NFIB: variants seen among roughly 807,000 people sequenced by gnomAD.
NFIB encodes the protein nuclear factor 1 B-type.
In NFIB, 11 loss-of-function variants were observed where a neutral mutation model predicts 61.5. The ratio of observed to expected loss-of-function variants is 0.18; its 90% confidence interval spans 0.11 to 0.30. NFIB has a LOEUF of 0.30. NFIB is among the 10% of genes least tolerant of loss of function. The pLI is 1.00. For missense variants in NFIB, 471 were observed against 608.9 expected (o/e 0.77, Z 2.38); for synonymous variants, 260 against 216.5 (o/e 1.20, Z -1.76).
intron 1 of NFIB, among the ~76,000 whole-genome samples, chr9:14,385,134 G>T (rs2061534899): frequency 6.6e-6 from 1 of 152,168 alleles, no homozygotes; most frequent in Non-Finnish European, 1.5e-5. Flanking sequence ...ACTGGGCTCA[G>T]GGCTTTGATG....
chr9:14,451,643 T>C, the NFIB span, among the ~76,000 whole-genome samples: 1 of 152,214 alleles, frequency 6.6e-6, no homozygotes, highest in Non-Finnish European at 1.5e-5. Context: ...AGTTGCCACA[T>C]ACAAATCATA....
In NFIB at chr9:14,088,280, T is replaced by C. The variant is rs2033180228; in HGVS notation, c.*29A>G. ...TGGACATTGGCCGGTAAGATGGGTG[T>C]CCTATTTGACACTTGGAAAGGAACC... is the stretch of plus-strand genomic sequence containing the variant. On this transcript the variant is annotated 3_prime_UTR_variant, in exon 11 of 11. Transcript: ENST00000380953. 1 of 1,598,314 alleles carries C rather than the reference T, an allele frequency of 6.3e-7. No homozygotes were observed. The highest frequency in any genetic ancestry group is 2.2e-5 in the East Asian group (1 of 44,550).
intron 2 of NFIB, among the ~76,000 whole-genome samples, chr9:14,302,185 T>C (rs2059786397): frequency 6.6e-6 from 1 of 152,212 alleles, no homozygotes; most frequent in Non-Finnish European, 1.5e-5. Flanking sequence ...AATGTTAAAA[T>C]ACACTGCCAA....
intron 2 of NFIB, among the ~76,000 whole-genome samples, chr9:14,271,315 CG>C (rs1377188259): frequency 6.6e-6 from 1 of 151,836 alleles, no homozygotes; most frequent in Non-Finnish European, 1.5e-5. Flanking sequence ...TTCAAGCCCA[CG>C]GATAGTTATC....
At chr9:14,225,313 A>T (rs1310399922) in intron 2 of NFIB, among the ~76,000 whole-genome samples, 2 of 151,998 alleles carry the variant, frequency 1.3e-5, no homozygotes, top group Non-Finnish European at 2.9e-5. Context: ...TCATCCTTAC[A>T]CTACATTCCT....
the NFIB span, among the ~76,000 whole-genome samples, chr9:14,480,649 G>A: frequency 6.6e-6 from 1 of 152,092 alleles, no homozygotes; most frequent in Admixed American, 6.6e-5. Flanking sequence ...AATCAATGTA[G>A]CCGTTGAAAC....
the NFIB span, among the ~76,000 whole-genome samples, chr9:14,493,616 C>G: frequency 6.6e-6 from 1 of 152,148 alleles, no homozygotes; most frequent in Non-Finnish European, 1.5e-5. Flanking sequence ...GAACGGATAC[C>G]TTGTGCTCCT....
chr9:14,157,163 T>G (rs1057369250), intron 3 of NFIB, among the ~76,000 whole-genome samples: 1 of 152,116 alleles, frequency 6.6e-6, no homozygotes, highest in African/African-American at 2.4e-5. Context: ...GATAAGCATG[T>G]TACCAACAAA....
intron 1 of NFIB, chr9:14,322,021 TAC>T: frequency 8.1e-7 from 1 of 1,228,458 alleles, no homozygotes; most frequent in Non-Finnish European, 1.0e-6. Context: ...GTGTCTCAGG[TAC>T]AGATTTGTGG....
At chr9:14,175,394 T>C (rs1045012181) in intron 3 of NFIB, among the ~76,000 whole-genome samples, 3 of 152,020 alleles carry the variant, frequency 2.0e-5, no homozygotes, top group African/African-American at 7.3e-5. Flanking sequence ...CAGAATGGTC[T>C]CGATCTCCTG....
chr9:14,369,068 A>T lies in NFIB; in HGVS notation c.108+29456T>A, dbSNP rs1488659718. 2.0e-5 allele frequency among the ~76,000 whole-genome samples: 3 copies of T among 152,222 alleles called. No individual in the cohort carries two copies. In the East Asian group the frequency reaches 5.8e-4, roughly 29 times the overall value. ...ATTGCAATCTAGTAGTTTTACAGAA[A>T]AGGAAATTTAAGCTCTTTGAGGGTA... On this transcript the variant is annotated intron_variant, in intron 1 of 8. Coordinates refer to the NFIB transcript ENST00000380934.
the NFIB span, among the ~76,000 whole-genome samples, chr9:14,461,189 A>C: frequency 6.6e-6 from 1 of 152,050 alleles, no homozygotes; most frequent in Non-Finnish European, 1.5e-5. Context: ...ATCCCTCAGT[A>C]GATTGTGAGG....
the NFIB span, among the ~76,000 whole-genome samples, chr9:14,429,939 T>C: frequency 3.9e-5 from 6 of 152,370 alleles, no homozygotes; most frequent in African/African-American, 1.4e-4. Flanking sequence ...AGAGTATTCA[T>C]TGTATGACTA....
At chr9:14,502,615 T>C in the NFIB span, among the ~76,000 whole-genome samples, 1 of 152,222 alleles carries the variant, frequency 6.6e-6, no homozygotes, top group South Asian at 2.1e-4. Context: ...TTAACTTCTC[T>C]TTCCTTTTCC....
chr9:14,330,774 T>G (rs1363291802), intron 1 of NFIB, among the ~76,000 whole-genome samples: 1 of 152,142 alleles, frequency 6.6e-6, no homozygotes, highest in African/African-American at 2.4e-5. Context: ...TCGTACATTA[T>G]GTACATGTTG....
intron 1 of NFIB, among the ~76,000 whole-genome samples, chr9:14,348,194 G>A (rs2061057250): frequency 1.3e-5 from 2 of 152,206 alleles, no homozygotes. Context: ...TCCTTACTGT[G>A]CGCCAGGGGA....
At chr9:14,094,665 C>T (rs1424615903) in intron 10 of NFIB, among the ~76,000 whole-genome samples, 6 of 152,014 alleles carry the variant, frequency 3.9e-5, no homozygotes, top group Admixed American at 2.0e-4. Context: ...CTCTTGTGGG[C>T]TCTCTGGGAA....
chr9:14,182,015 T>C (rs536766861), intron 2 of NFIB, among the ~76,000 whole-genome samples: 32 of 152,330 alleles, frequency 2.1e-4, no homozygotes, highest in African/African-American at 7.0e-4. Flanking sequence ...GAGAAAAGAA[T>C]GAAAAGTCTC....
At chr9:14,246,965 ATC>A (rs148026880) in intron 2 of NFIB, among the ~76,000 whole-genome samples, 5 of 150,248 alleles carry the variant, frequency 3.3e-5, no homozygotes, top group Middle Eastern at 3.5e-3. Context: ...AATGTGCCTG[ATC>A]TCTCTCTCTC....
Sources: gnomAD v4.1 joint callset for allele counts (sites outside exome capture counted in the v4.1 genomes callset) on GRCh38, gnomAD v4.1.1 for gene constraint, MANE v1.5 for transcripts, NCBI Gene and HGNC (gene_info 2026-07-23, HGNC 2026-07-21) for gene names.